Variants in FYN observed in about 807,000 individuals in gnomAD.
The protein encoded by FYN is FYN proto-oncogene, Src family tyrosine kinase.
A neutral mutation model predicts 70.2 loss-of-function variants in FYN; 10 were observed. The observed-to-expected ratio is 0.14, with a 90% CI of 0.09 to 0.24. FYN has a LOEUF of 0.24. Among genes scored for constraint, FYN ranks in the 10% least tolerant of loss-of-function variants. The pLI, the probability that FYN is intolerant of heterozygous loss-of-function variation, is 1.00. For missense variants in FYN, 319 were observed against 673.1 expected, an observed-to-expected ratio of 0.47 and a Z score of 5.82; for synonymous variants, 236 against 248.6, an observed-to-expected ratio of 0.95 and a Z score of 0.48.
At chr6:111,678,280 G>A (rs1459745353) in intron 12 of FYN, among the ~76,000 whole-genome samples, 1 of 152,074 alleles carries the variant, frequency 6.6e-6, no homozygotes, top group Non-Finnish European at 1.5e-5. Context: ...ACAACCTGGT[G>A]TTGTCACTGG....
chr6:111,745,573 AG>A (rs753900813), intron 3 of FYN, among the ~76,000 whole-genome samples: 23 of 152,222 alleles, frequency 1.5e-4, no homozygotes, highest in Non-Finnish European at 3.1e-4. Context: ...GAGCGAATGC[AG>A]GTAACTAGAG....
At chr6:111,860,767 C>T (rs1386868624) in intron 1 of FYN, among the ~76,000 whole-genome samples, 2 of 152,230 alleles carry the variant, frequency 1.3e-5, no homozygotes, top group African/African-American at 4.8e-5. Flanking sequence ...TTCCCAGACA[C>T]TCCTCATCCT....
At chr6:111,667,368 A>G (rs532715926) in intron 13 of FYN, among the ~76,000 whole-genome samples, 1 of 152,076 alleles carries the variant, frequency 6.6e-6, no homozygotes, top group Admixed American at 6.5e-5. Context: ...CAGTCTCCCA[A>G]GCAGCTAGGA....
At chr6:111,840,812 T>C (rs1305671122) in intron 2 of FYN, among the ~76,000 whole-genome samples, 1 of 152,200 alleles carries the variant, frequency 6.6e-6, no homozygotes, top group East Asian at 1.9e-4. Context: ...TTAATAATCT[T>C]TCCTTCACAT....
chr6:111,795,313 G>T (rs1166362159), intron 2 of FYN, among the ~76,000 whole-genome samples: 2 of 152,156 alleles, frequency 1.3e-5, no homozygotes, highest in Non-Finnish European at 2.9e-5. Context: ...ACAAAGGAAA[G>T]GCCATGTAAG....
chr6:111,759,384 T>C (rs1446479110), intron 3 of FYN, among the ~76,000 whole-genome samples: 1 of 152,180 alleles, frequency 6.6e-6, no homozygotes, highest in African/African-American at 2.4e-5. Flanking sequence ...CTTTTTATGC[T>C]TGTCTCATCC....
At chr6:111,772,827 A>G (rs1473459607) in intron 3 of FYN, among the ~76,000 whole-genome samples, 1 of 84,030 alleles carries the variant, frequency 1.2e-5, no homozygotes, top group Non-Finnish European at 2.1e-5. Flanking sequence ...CATCAAGTGT[A>G]TTTGATCAGT....
rs541646429 is a variant in FYN at position 111,768,720 on chromosome 6, G to A, written c.-12+11846C>T. ...TTTCCTTTCCTTTTCTCATCCCCAG[G>A]CCCATCCATCACTCTCAGTCAACTA... On this transcript the variant is annotated intron_variant, in intron 3 of 13. Coordinates refer to ENST00000354650, the MANE Select transcript of FYN (RefSeq NM_002037.5). Among the ~76,000 whole-genome samples, 9 of 152,142 alleles carry A rather than the reference G, an allele frequency of 5.9e-5. No homozygotes were observed. The South Asian group carries it at 1.7e-3, about 28-fold the overall frequency.
At chr6:111,852,422 C>A (rs540173840) in intron 1 of FYN, among the ~76,000 whole-genome samples, 10 of 152,050 alleles carry the variant, frequency 6.6e-5, no homozygotes, top group African/African-American at 2.4e-4. Flanking sequence ...TAACAAACAC[C>A]GTGTGGAGAC....
chr6:111,837,233 G>A (rs995548825), intron 2 of FYN, among the ~76,000 whole-genome samples: 25 of 152,062 alleles, frequency 1.6e-4, no homozygotes, highest in Non-Finnish European at 2.8e-4. Flanking sequence ...TGCGGTAAGC[G>A]GCACTTTGAT....
intron 12 of FYN, among the ~76,000 whole-genome samples, chr6:111,689,270 A>C (rs1746477116): frequency 6.6e-6 from 1 of 152,196 alleles, no homozygotes; most frequent in African/African-American, 2.4e-5. Context: ...CAGGGATCCT[A>C]ATGTCCAACC....
At chr6:111,774,789 C>T (rs1803642243) in intron 3 of FYN, among the ~76,000 whole-genome samples, 1 of 151,990 alleles carries the variant, frequency 6.6e-6, no homozygotes, top group Admixed American at 6.5e-5. Context: ...CGTGATCTCG[C>T]CTCACTGCAA....
At chr6:111,780,842 T>A (rs1771145793) in intron 2 of FYN, among the ~76,000 whole-genome samples, 1 of 152,204 alleles carries the variant, frequency 6.6e-6, no homozygotes, top group Non-Finnish European at 1.5e-5. Context: ...TAATAAAAAA[T>A]TTTAAAACTG....
At chr6:111,828,996 G>A (rs1355946344) in intron 2 of FYN, among the ~76,000 whole-genome samples, 1 of 152,212 alleles carries the variant, frequency 6.6e-6, no homozygotes, top group Non-Finnish European at 1.5e-5. Context: ...GAATCCCCAA[G>A]AGGGGGATAT....
chr6:111,664,390 C>G (rs906605092), intron 13 of FYN, among the ~76,000 whole-genome samples: 2 of 152,148 alleles, frequency 1.3e-5, no homozygotes, highest in African/African-American at 4.8e-5. Flanking sequence ...TTTAATTAAT[C>G]ACTCTCCTAT....
chr6:111,779,121 ATTTTTTTT>A (rs397934539), intron 3 of FYN, among the ~76,000 whole-genome samples: 19 of 91,494 alleles, frequency 2.1e-4, no homozygotes, highest in African/African-American at 7.2e-4. Flanking sequence ...AGTAGGAGAC[ATTTTTTTT>A]TTTTTTTTTT....
intron 13 of FYN, among the ~76,000 whole-genome samples, chr6:111,664,242 T>A (rs1797896767): frequency 6.6e-6 from 1 of 151,688 alleles, no homozygotes; most frequent in Admixed American, 6.6e-5. Flanking sequence ...CTCTGTCCCT[T>A]CCAGGAGTCC....
chr6:111,708,275 G>A lies in FYN; in HGVS notation c.345-255C>T, dbSNP rs183442536. The A allele has an allele frequency of 1.0e-5, 4 of 387,318 alleles. No homozygotes were observed. The East Asian group carries it at 1.3e-4, about 12-fold the overall frequency. 24.0% of individuals were successfully genotyped at this position (387,318 alleles called of 1,614,324 possible). A position where few individuals can be genotyped will look rare whatever the true frequency, so the allele number is the denominator to read the frequency against. On this transcript the variant is annotated intron_variant, in intron 5 of 13. Coordinates refer to ENST00000354650, the MANE Select transcript of FYN (RefSeq NM_002037.5). ...TAAGAATGTGGAATCCTGGCCATGA[G>A]AAGTCTCTCTTGGTAGGGGGCATTT...
chr6:111,696,157 A>C (rs1426816603), intron 10 of FYN, 120 bp downstream of exon 10: 1 of 843,080 alleles, frequency 1.2e-6, no homozygotes, highest in African/African-American at 1.7e-5. Flanking sequence ...GGTGGTTCCT[A>C]ATGGGAATAC....
Sources: gnomAD v4.1 joint callset for allele counts (sites outside exome capture counted in the v4.1 genomes callset) on GRCh38, gnomAD v4.1.1 for gene constraint, MANE v1.5 for transcripts, NCBI Gene and HGNC (gene_info 2026-07-23, HGNC 2026-07-21) for gene names.